IL19: variants seen among roughly 807,000 people sequenced by gnomAD.
The protein encoded by IL19 is interleukin 19, also known as interleukin-19.
In IL19, 15 loss-of-function variants were observed where a neutral mutation model predicts 19.5. That is an observed-to-expected ratio of 0.77 (90% CI 0.52 to 1.19). IL19 has a LOEUF of 1.19. Ranked by LOEUF, IL19 falls within the 50% of genes most tolerant of loss-of-function variation. The pLI is 0.00. For synonymous variants in IL19, 78 were observed against 78.3 expected, an observed-to-expected ratio of 1.00 and a Z score of 0.02; for missense variants, 199 against 213.1, an observed-to-expected ratio of 0.93 and a Z score of 0.41.
chr1:206,804,821 C>T (rs1478170962), intron 2 of IL19, among the ~76,000 whole-genome samples: 2 of 152,210 alleles, frequency 1.3e-5, no homozygotes, highest in African/African-American at 4.8e-5. Flanking sequence ...ACCTGAAATT[C>T]TCTTACCTTA....
chr1:206,813,361 A>C (rs955590905), intron 2 of IL19, among the ~76,000 whole-genome samples: 1 of 152,050 alleles, frequency 6.6e-6, no homozygotes, highest in African/African-American at 2.4e-5. Flanking sequence ...AAGCTCCTTC[A>C]TCATAACTTT....
At chr1:206,778,717 G>C (rs772727301) in intron 1 of IL19, among the ~76,000 whole-genome samples, 1 of 152,214 alleles carries the variant, frequency 6.6e-6, no homozygotes, top group African/African-American at 2.4e-5. Flanking sequence ...GTATCTGAGA[G>C]TAAAATCATC....
intron 2 of IL19, chr1:206,833,762 G>A: frequency 1.0e-6 from 1 of 985,506 alleles, no homozygotes. Context: ...GAACCCTCCA[G>A]GGGACAAGAT....
Position 206,836,644 on chromosome 1 carries a change from T to C in IL19, c.-2-17T>C. ...TCCACTCTTGGCTGGACAGCTGACTTCCTCTCCTTTCTGCAGGCATGAAGT... is the reference window on the plus strand; with the variant it reads ...TCCACTCTTGGCTGGACAGCTGACTCCCTCTCCTTTCTGCAGGCATGAAGT... On this transcript the variant is annotated splice_polypyrimidine_tract_variant and intron_variant, in intron 2 of 6. Coordinates refer to ENST00000659997, the MANE Select transcript of IL19 (RefSeq NM_153758.5). 6.3e-7 allele frequency: 1 copy of C among 1,588,324 alleles called. No individual in the cohort carries two copies. Among genetic ancestry groups the C allele is most frequent in the Non-Finnish European group, 8.6e-7 (1 of 1,167,902 alleles).
chr1:206,805,999 G>A (rs1675835303), intron 2 of IL19, among the ~76,000 whole-genome samples: 1 of 152,040 alleles, frequency 6.6e-6, no homozygotes, highest in South Asian at 2.1e-4. Flanking sequence ...GTTCCTGTAG[G>A]GTGACATTCA....
At chr1:206,809,524 G>T (rs1675945678) in intron 2 of IL19, among the ~76,000 whole-genome samples, 1 of 152,194 alleles carries the variant, frequency 6.6e-6, no homozygotes, top group Non-Finnish European at 1.5e-5. Context: ...GACTTCAAAA[G>T]ATGATTTTAT....
chr1:206,796,547 T>A (rs1675527218), intron 1 of IL19, among the ~76,000 whole-genome samples: 1 of 152,216 alleles, frequency 6.6e-6, no homozygotes, highest in South Asian at 2.1e-4. Flanking sequence ...TATATGATGG[T>A]GGTCTCATAA....
chr1:206,792,582 G>A (rs919918590), intron 1 of IL19, among the ~76,000 whole-genome samples: 1 of 151,880 alleles, frequency 6.6e-6, no homozygotes, highest in African/African-American at 2.4e-5. Context: ...TCAGCCTCCC[G>A]AGTAGCTGGG....
At chr1:206,779,679 C>G (rs1675085741) in intron 1 of IL19, among the ~76,000 whole-genome samples, 2 of 152,326 alleles carry the variant, frequency 1.3e-5, no homozygotes, top group South Asian at 4.1e-4. Flanking sequence ...CTTTCCCTCT[C>G]TTGGTCAAAT....
intron 1 of IL19, among the ~76,000 whole-genome samples, chr1:206,776,986 C>T (rs937133333): frequency 6.7e-6 from 1 of 149,072 alleles, no homozygotes; most frequent in African/African-American, 2.5e-5. Flanking sequence ...AATCCCAACA[C>T]TTTGGGAGGC....
At chr1:206,825,201 A>T (rs570424703) in intron 2 of IL19, among the ~76,000 whole-genome samples, 1 of 152,310 alleles carries the variant, frequency 6.6e-6, no homozygotes, top group South Asian at 2.1e-4. Flanking sequence ...TTCTCAAATG[A>T]ATCAGAAATC....
intron 2 of IL19, among the ~76,000 whole-genome samples, chr1:206,808,068 T>A (rs1383150505): frequency 6.6e-6 from 1 of 152,258 alleles, no homozygotes; most frequent in Non-Finnish European, 1.5e-5. Context: ...TGGCAGCTCA[T>A]GCCTGTAATC....
chr1:206,822,350 G>T (rs1271778183), intron 2 of IL19, among the ~76,000 whole-genome samples: 5 of 152,194 alleles, frequency 3.3e-5, no homozygotes, highest in Admixed American at 1.3e-4. Flanking sequence ...GAGAATGCTG[G>T]AGGCTGGTGG....
At chr1:206,812,213 G>A (rs1167313903) in intron 2 of IL19, among the ~76,000 whole-genome samples, 1 of 152,190 alleles carries the variant, frequency 6.6e-6, no homozygotes, top group African/African-American at 2.4e-5. Flanking sequence ...GACTACACAG[G>A]TCTGCGAATC....
chr1:206,805,507 A>G (rs1675827132), intron 2 of IL19, among the ~76,000 whole-genome samples: 1 of 152,274 alleles, frequency 6.6e-6, no homozygotes, highest in Non-Finnish European at 1.5e-5. Context: ...ATCCAAATGG[A>G]AGAAATATTT....
At chr1:206,802,809 A>AT (rs1675748518) in intron 2 of IL19, among the ~76,000 whole-genome samples, 1 of 151,956 alleles carries the variant, frequency 6.6e-6, no homozygotes, top group South Asian at 2.1e-4. Flanking sequence ...ATAGAACTGG[A>AT]TCCCCAATCA....
At chr1:206,825,702 C>G (rs944043782) in intron 2 of IL19, among the ~76,000 whole-genome samples, 3 of 152,206 alleles carry the variant, frequency 2.0e-5, no homozygotes, top group Non-Finnish European at 4.4e-5. Context: ...GGGCTCCTCC[C>G]CACCAGGAAC....
chr1:206,825,921 CT>C (rs1247889960), intron 2 of IL19, among the ~76,000 whole-genome samples: 1 of 152,210 alleles, frequency 6.6e-6, no homozygotes, highest in African/African-American at 2.4e-5. Context: ...GATCCCTGCC[CT>C]TGTGGAGTCT....
chr1:206,772,515 C>T (rs1332111003), intron 1 of IL19: 2 of 1,327,010 alleles, frequency 1.5e-6, no homozygotes, highest in South Asian at 1.2e-5. Context: ...CTCTCTGTCC[C>T]CCTTTTATAT....
Sources: allele counts gnomAD v4.1 joint callset (sites outside exome capture counted in the v4.1 genomes callset), GRCh38; gene constraint gnomAD v4.1.1; transcripts MANE v1.5; gene names NCBI Gene and HGNC (gene_info 2026-07-23, HGNC 2026-07-21).